Variants in ESM1 observed in about 807,000 individuals in gnomAD.
ESM1 encodes endothelial cell-specific molecule 1.
Under a neutral mutation model 14.9 loss-of-function variants are expected in ESM1, and 7 were observed. The observed-to-expected ratio is 0.47, with a 90% confidence interval of 0.27 to 0.88. The LOEUF (loss-of-function observed/expected upper bound fraction) is 0.88, where lower values mean the gene tolerates loss of function less well. Among genes scored for constraint, ESM1 ranks in the 40% least tolerant of loss-of-function variants. ESM1 has a pLI of 0.14. For synonymous variants in ESM1, 89 were observed against 89.4 expected, an observed-to-expected ratio of 1.00 and a Z score of 0.02; for missense variants, 192 against 237.9, an observed-to-expected ratio of 0.81 and a Z score of 1.27.
At position 54,985,379 on chromosome 5, in the gene ESM1, C is replaced by T. The variant is rs1740514641; in HGVS notation, c.139G>A (p.Val47Met). 1 of 1,614,248 alleles carries T rather than the reference C, an allele frequency of 6.2e-7. No homozygotes were observed. Among genetic ancestry groups the T allele is most frequent in the Non-Finnish European group, 8.5e-7 (1 of 1,180,048 alleles). Residue 47 changes from valine to methionine, a missense_variant, in exon 1 of 3, where the codon GTG (valine) becomes ATG (methionine). Physicochemically the swap from Val to Met is conservative, Grantham distance 21 (BLOSUM62 1). Transcript: ENST00000381405. ...CKSSPRCKRT[V>M]LDDCGCCRVC... ...CGGCAGCAGCCACAGTCGTCGAGCACTGTCCTCTTGCAGCGCGGGCTGCTT... is the reference window on the plus strand; with the variant it reads ...CGGCAGCAGCCACAGTCGTCGAGCATTGTCCTCTTGCAGCGCGGGCTGCTT...
chr5:54,979,449 G>T lies in ESM1; in HGVS notation c.452-14C>A, dbSNP rs200811457. On this transcript the variant is annotated splice_polypyrimidine_tract_variant and intron_variant, in intron 2 of 2. Transcript: ENST00000381405. ...CCATGTCATGCTCTGAAAGTAGACG[G>T]AATACAAATCATGTCCAAACATCTA... is the stretch of plus-strand genomic sequence containing the variant. 1.8e-5 allele frequency: 28 copies of T among 1,552,158 alleles called. No homozygotes were observed. Among genetic ancestry groups the T allele is most frequent in the Non-Finnish European group, 1.4e-5 (16 of 1,124,138 alleles).
At chr5:54,983,351 T>C (rs996509803) in intron 1 of ESM1, among the ~76,000 whole-genome samples, 2 of 152,212 alleles carry the variant, frequency 1.3e-5, no homozygotes, top group Admixed American at 6.5e-5. Flanking sequence ...ACTAAAACTT[T>C]AGCCAAATTC....
In ESM1 at chr5:54,985,591, G is replaced by A. The variant is rs1463043375; in HGVS notation, c.-74C>T. 5.0e-6 allele frequency: 7 copies of A among 1,394,254 alleles called. No individual in the cohort carries two copies. Among genetic ancestry groups the A allele is most frequent in the Non-Finnish European group, 6.8e-6 (7 of 1,023,914 alleles). 86.4% of individuals were successfully genotyped at this position (1,394,254 alleles called of 1,614,324 possible). On this transcript the variant is annotated 5_prime_UTR_variant, in exon 1 of 3. Transcript: ENST00000381405. ...TGGGAAGCAGCCGTCCAAACTGGTA[G>A]CTGAGCCTCTGCCTACACGTTTATG...
intron 1 of ESM1, among the ~76,000 whole-genome samples, chr5:54,983,235 G>A (rs1267977530): frequency 6.6e-6 from 1 of 152,164 alleles, no homozygotes; most frequent in East Asian, 1.9e-4. Flanking sequence ...TTTGAACACT[G>A]TTCTCTTTGC....
intron 2 of ESM1, among the ~76,000 whole-genome samples, chr5:54,981,222 G>T (rs76560524): frequency 2.0e-5 from 3 of 151,906 alleles, no homozygotes; most frequent in Non-Finnish European, 4.4e-5. Flanking sequence ...AACTACAATC[G>T]CCATTCTGTG....
intron 2 of ESM1, among the ~76,000 whole-genome samples, chr5:54,981,562 T>G (rs981728808): frequency 6.6e-6 from 1 of 152,236 alleles, no homozygotes. Flanking sequence ...GTTCTATATT[T>G]TCTATCTTGA....
chr5:54,985,281 C>A lies in ESM1; in HGVS notation c.237G>T (p.Pro79=), dbSNP rs947790242. The A allele has an allele frequency of 6.2e-7, 1 of 1,614,148 alleles. No individual in the cohort carries two copies. The highest frequency in any genetic ancestry group is 1.1e-5 in the South Asian group (1 of 91,078). The change falls in exon 1 of 3, where the codon CCG becomes CCT. Residue 79 remains proline, a synonymous_variant. Coordinates refer to ENST00000381405, the MANE Select transcript of ESM1 (RefSeq NM_007036.5). ...VSGMDGMKCG[P]GLRCQPSNGE... ...CATTAGAAGGCTGACACCTCAGCCC[C>A]GGGCCACACTTCATGCCATCCATGC...
At chr5:54,981,219 A>G (rs1489272906) in intron 2 of ESM1, among the ~76,000 whole-genome samples, 1 of 152,174 alleles carries the variant, frequency 6.6e-6, no homozygotes. Flanking sequence ...ATTAACTACA[A>G]TCGCCATTCT....
intron 1 of ESM1, among the ~76,000 whole-genome samples, chr5:54,983,198 A>G (rs1740430735): frequency 6.6e-6 from 1 of 152,200 alleles, no homozygotes; most frequent in Non-Finnish European, 1.5e-5. Context: ...TCTTTTCAAT[A>G]TGGTTCAGAT....
intron 1 of ESM1, 47 bp from the exon 2 acceptor site, chr5:54,982,193 C>T (rs1423416841): frequency 6.3e-6 from 10 of 1,598,966 alleles, no homozygotes; most frequent in Admixed American, 1.7e-5. Flanking sequence ...GTTGTAAATA[C>T]GTCTCCATCC....
At chr5:54,984,400 C>G (rs1345152537) in intron 1 of ESM1, among the ~76,000 whole-genome samples, 2 of 151,966 alleles carry the variant, frequency 1.3e-5, no homozygotes, top group Non-Finnish European at 2.9e-5. Context: ...TCTTTTTATT[C>G]TAAACATTTT....
chr5:54,985,591 G>T lies in ESM1; in HGVS notation c.-74C>A. The T allele has an allele frequency of 1.4e-6, 2 of 1,394,368 alleles. No homozygotes were observed. The highest frequency in any genetic ancestry group is 2.0e-6 in the Non-Finnish European group (2 of 1,023,902). The allele number at this position is 1,394,368 out of a possible 1,614,324, so 86.4% of individuals were successfully genotyped here. ...TGGGAAGCAGCCGTCCAAACTGGTA[G>T]CTGAGCCTCTGCCTACACGTTTATG... On this transcript the variant is annotated 5_prime_UTR_variant, in exon 1 of 3. Coordinates refer to ENST00000381405, the MANE Select transcript of ESM1 (RefSeq NM_007036.5).
At chr5:54,982,996 T>G (rs1334477113) in intron 1 of ESM1, among the ~76,000 whole-genome samples, 1 of 152,184 alleles carries the variant, frequency 6.6e-6, no homozygotes, top group Non-Finnish European at 1.5e-5. Context: ...CTCAGTAGAC[T>G]AACCAACCTT....
chr5:54,979,129 T>A lies in ESM1; in HGVS notation c.*203A>T. ...ACAAATCTACATGCATTCGAATATTTAACAAACACATACAAGTGTTCAGTC... is the reference window on the plus strand; with the variant it reads ...ACAAATCTACATGCATTCGAATATTAAACAAACACATACAAGTGTTCAGTC... On this transcript the variant is annotated 3_prime_UTR_variant, in exon 3 of 3. Coordinates refer to ENST00000381405, the MANE Select transcript of ESM1 (RefSeq NM_007036.5). 1 of 526,314 alleles carries A rather than the reference T, an allele frequency of 1.9e-6. No individual in the cohort carries two copies. Among genetic ancestry groups the A allele is most frequent in the South Asian group, 2.6e-5 (1 of 38,778 alleles). 32.6% of individuals were successfully genotyped at this position (526,314 alleles called of 1,614,324 possible).
At chr5:54,982,209 G>T in intron 1 of ESM1, 63 bp from the exon 2 acceptor site, 2 of 1,557,632 alleles carry the variant, frequency 1.3e-6, no homozygotes, top group Non-Finnish European at 8.8e-7. Flanking sequence ...CATCCTAACA[G>T]CCCTGGGTGC....
At position 54,985,301 on chromosome 5, in the gene ESM1, C is replaced by G; in HGVS notation, c.217G>C (p.Asp73His). Residue 73 changes from aspartate to histidine, a missense_variant, in exon 1 of 3, where the codon GAT (aspartate) becomes CAT (histidine). Physicochemically the swap from Asp to His is moderately conservative, Grantham distance 81 (BLOSUM62 -1). Transcript: ENST00000381405. ...AGCCCCGGGCCACACTTCATGCCATCCATGCCTGAGACTGTGCGGTAGCAA... is the reference window on the plus strand; with the variant it reads ...AGCCCCGGGCCACACTTCATGCCATGCATGCCTGAGACTGTGCGGTAGCAA... ...ETCYRTVSGM[D>H]GMKCGPGLRC... The G allele has an allele frequency of 6.2e-7, 1 of 1,614,202 alleles. No homozygotes were observed. Among genetic ancestry groups the G allele is most frequent in the Non-Finnish European group, 8.5e-7 (1 of 1,180,030 alleles).
At chr5:54,982,800 A>G (rs1740413793) in intron 1 of ESM1, among the ~76,000 whole-genome samples, 1 of 152,214 alleles carries the variant, frequency 6.6e-6, no homozygotes, top group South Asian at 2.1e-4. Flanking sequence ...GCAAGATGCT[A>G]AATGAGCAAG....
intron 2 of ESM1, 24 bp downstream of exon 2, chr5:54,981,973 G>A: frequency 6.2e-7 from 1 of 1,606,986 alleles, no homozygotes; most frequent in Non-Finnish European, 8.5e-7. Flanking sequence ...TTCTTCCAAT[G>A]CTTATACCAG....
chr5:54,979,556 A>G, intron 2 of ESM1, 121 bp from the exon 3 acceptor site: 1 of 689,116 alleles, frequency 1.5e-6, no homozygotes, highest in Non-Finnish European at 2.5e-6. Flanking sequence ...TTAAGATTCC[A>G]TGCTAACTGT....
Sources: allele counts gnomAD v4.1 joint callset (sites outside exome capture counted in the v4.1 genomes callset), GRCh38; gene constraint gnomAD v4.1.1; transcripts MANE v1.5; gene names NCBI Gene and HGNC (gene_info 2026-07-23, HGNC 2026-07-21).